LAMA1: variants seen among roughly 807,000 people sequenced by gnomAD.
The protein encoded by LAMA1 is laminin subunit alpha-1.
In LAMA1, 219 loss-of-function variants were observed where a neutral mutation model predicts 348.7. That is an observed-to-expected ratio of 0.63 (90% CI 0.56 to 0.70). LAMA1 has a LOEUF of 0.70. Ranked by LOEUF, LAMA1 falls within the 30% of genes least tolerant of loss-of-function variation. The pLI, the probability that LAMA1 is intolerant of heterozygous loss-of-function variation, is 0.00. For missense variants in LAMA1, 3,744 were observed against 3,888.0 expected, an observed-to-expected ratio of 0.96 and a Z score of 0.99; for synonymous variants, 1,487 against 1,491.0, an observed-to-expected ratio of 1.00 and a Z score of 0.06.
At chr18:7,079,846 T>C (rs1293542917) in intron 3 of LAMA1, 129 bp downstream of exon 3, 2 of 738,954 alleles carry the variant, frequency 2.7e-6, no homozygotes, top group East Asian at 5.4e-5. Flanking sequence ...CCACTTGCCT[T>C]CACCTGGTGG....
At chr18:7,002,698 G>C (rs756110681) in intron 29 of LAMA1, among the ~76,000 whole-genome samples, 4 of 152,028 alleles carry the variant, frequency 2.6e-5, no homozygotes, top group Non-Finnish European at 4.4e-5. Context: ...AAAATATTTA[G>C]TGCCCCAAAA....
At chr18:6,981,549 C>T (rs622150) in intron 41 of LAMA1, among the ~76,000 whole-genome samples, 3,641 of 152,272 alleles carry the variant, frequency 0.024, 133 homozygotes, top group African/African-American at 0.083. Context: ...TTTTAATTGC[C>T]AGCAAGCTCC....
Position 7,013,886 on chromosome 18 carries a change from A to G in LAMA1, c.3292T>C (p.Ser1098Pro), listed in dbSNP as rs2057872884. ...TGCTCCAGGTTGCAGGCGTCCCCCG[A>G]CGTCCCCCTCAGGTCACAGTCACAG... ...VPCDCDLRGTSGDACNLEQGL... is the reference protein window; with the variant it reads ...VPCDCDLRGTPGDACNLEQGL... Residue 1098 changes from serine (S) to proline (P), a missense_variant, in exon 23 of 63, where the codon TCG becomes CCG. By Grantham distance (74) the Ser-to-Pro change is moderately conservative. Transcript: ENST00000389658. The G allele has an allele frequency of 1.2e-6, 2 of 1,613,040 alleles. No individual in the cohort carries two copies. The highest frequency in any genetic ancestry group is 1.3e-5 in the African/African-American group (1 of 75,000).
chr18:7,081,510 A>G (rs2058193327), intron 1 of LAMA1, among the ~76,000 whole-genome samples: 1 of 152,176 alleles, frequency 6.6e-6, no homozygotes. Context: ...TTTTCAAGTC[A>G]TTATTGATCT....
rs115759032 is a variant in LAMA1, at chr18:6,983,101, G to T, written c.5794C>A (p.Leu1932Met). Residue 1932 changes from leucine (L) to methionine (M), a missense_variant and splice_region_variant, in exon 40 of 63, where the codon CTG becomes ATG. Physicochemically the swap from Leu to Met is conservative, Grantham distance 15. Transcript: ENST00000389658. The part of the protein sequence containing the change: ...DAHRTVTETS[L>M]LSESLVSNGK... ...AAAGAAGCCACGTCGTTTCCTACCAGGCTCGTCTCAGTCACAGTCCTGTGA... is the reference window on the plus strand; with the variant it reads ...AAAGAAGCCACGTCGTTTCCTACCATGCTCGTCTCAGTCACAGTCCTGTGA... 2.5e-6 allele frequency: 4 copies of T among 1,614,108 alleles called. No homozygotes were observed. The highest frequency in any genetic ancestry group is 1.6e-4 in the Middle Eastern group (1 of 6,062).
chr18:7,102,301 G>A (rs1030112186), intron 1 of LAMA1, among the ~76,000 whole-genome samples: 3 of 152,086 alleles, frequency 2.0e-5, no homozygotes, highest in Non-Finnish European at 4.4e-5. Flanking sequence ...CATAAATTCT[G>A]TATGCCTTTG....
chr18:7,050,292 TG>T (rs1162426404), intron 4 of LAMA1, among the ~76,000 whole-genome samples: 1 of 152,228 alleles, frequency 6.6e-6, no homozygotes, highest in Non-Finnish European at 1.5e-5. Context: ...CTGGGCATGT[TG>T]GGCACTAAGC....
Position 6,971,903 on chromosome 18 carries a change from A to G in LAMA1, c.6853T>C (p.Trp2285Arg), listed in dbSNP as rs1308404908. Residue 2285 changes from tryptophan to arginine, a missense_variant, in exon 48 of 63, where the codon TGG (tryptophan) becomes CGG (arginine). Trp to Arg is a moderately radical substitution (Grantham distance 101). This residue lies in a region of LAMA1 where 1,983 missense variants were observed against 1,934.3 expected (regional missense o/e 1.03). Coordinates refer to ENST00000389658, the MANE Select transcript of LAMA1 (RefSeq NM_005559.4). The part of the protein sequence containing the change: ...AFLNGKSIGL[W>R]NYIEREGKCR... The stretch of plus-strand genomic sequence containing the variant: ...TTGCCTTCCCTTTCAATATAGTTCC[A>G]TAGGCCTATGGATTTTCCATTCAGG... 3 of 1,614,152 alleles carry G rather than the reference A, an allele frequency of 1.9e-6. No individual in the cohort carries two copies. The highest frequency in any genetic ancestry group is 1.7e-6 in the Non-Finnish European group (2 of 1,180,024).
rs376840370 is a variant in LAMA1, at chr18:7,023,471, G to A, written c.2490-96C>T. The A allele has an allele frequency of 2.2e-5, 22 of 985,842 alleles. 1 individual carries two copies. Among genetic ancestry groups the A allele is most frequent in the African/African-American group, 1.1e-4 (7 of 62,286 alleles). The allele number at this position is 985,842 out of a possible 1,614,324, so 61.1% of individuals were successfully genotyped here. A position where few individuals can be genotyped will look rare whatever the true frequency, so the allele number is the denominator to read the frequency against. On this transcript the variant is annotated intron_variant, in intron 18 of 62. Transcript: ENST00000389658. ...TCCCTGAATGGCTAATAAATCAGAC[G>A]GACTCTGTTCCCTGAGATTTACTGT...
chr18:7,105,425 T>C (rs2058307924), intron 1 of LAMA1, among the ~76,000 whole-genome samples: 1 of 150,494 alleles, frequency 6.6e-6, no homozygotes, highest in Non-Finnish European at 1.5e-5. Flanking sequence ...GGCGACAGAG[T>C]GAGACTTCAT....
chr18:7,022,980 T>C (rs750228142), intron 19 of LAMA1, among the ~76,000 whole-genome samples, 184 bp downstream of exon 19: 3 of 152,130 alleles, frequency 2.0e-5, no homozygotes, highest in African/African-American at 7.2e-5. Flanking sequence ...AAGCTCAGGA[T>C]AGGGTAGCTA....
intron 1 of LAMA1, among the ~76,000 whole-genome samples, chr18:7,105,388 G>T (rs536782887): frequency 2.4e-4 from 36 of 152,126 alleles, no homozygotes; most frequent in African/African-American, 8.0e-4. Context: ...GCAGTGAGCT[G>T]AGATCGCACC....
chr18:6,976,804 C>T (rs1027239487), intron 44 of LAMA1, among the ~76,000 whole-genome samples: 1 of 151,812 alleles, frequency 6.6e-6, no homozygotes, highest in African/African-American at 2.4e-5. Context: ...GAGACAGGAT[C>T]TTATTATGTT....
chr18:6,961,832 C>G, intron 52 of LAMA1, 73 bp from the exon 53 acceptor site: 1 of 1,573,020 alleles, frequency 6.4e-7, no homozygotes, highest in South Asian at 1.1e-5. Flanking sequence ...GAGGACACTG[C>G]TGATTTCCCC....
chr18:7,022,732 G>A (rs922094309), intron 19 of LAMA1, among the ~76,000 whole-genome samples: 22 of 152,236 alleles, frequency 1.4e-4, no homozygotes, highest in African/African-American at 4.6e-4. Flanking sequence ...TGCACCACAC[G>A]GTGCTTTACG....
At position 7,025,981 on chromosome 18, in the gene LAMA1, G is replaced by C; in HGVS notation, c.2400C>G (p.Asn800Lys). ...PCACPLTIASNNFSPTCHLND... is the reference protein window; with the variant it reads ...PCACPLTIASKNFSPTCHLND... ...CGCTGATGAGGTCCGAGGCTTACTT[G>C]TTGGAGGCTATGGTGAGAGGGCAGG... The change falls in exon 17 of 63, where the codon AAC becomes AAG. Residue 800 changes from asparagine (N) to lysine (K), a missense_variant and splice_region_variant. Asn to Lys is a moderately conservative substitution (Grantham distance 94, BLOSUM62 0). Transcript: ENST00000389658. 6.2e-7 allele frequency: 1 copy of C among 1,607,398 alleles called. No individual in the cohort carries two copies.
chr18:7,064,596 G>C (rs565063898), intron 3 of LAMA1, among the ~76,000 whole-genome samples: 55 of 152,216 alleles, frequency 3.6e-4, no homozygotes, highest in Non-Finnish European at 6.0e-4. Flanking sequence ...CTTTCTCCTT[G>C]GTGGCATTTC....
chr18:7,067,958 A>G (rs2058130102), intron 3 of LAMA1, among the ~76,000 whole-genome samples: 1 of 151,506 alleles, frequency 6.6e-6, no homozygotes, highest in African/African-American at 2.4e-5. Context: ...GGTTCAAGCG[A>G]TTCTCCTGGC....
intron 1 of LAMA1, among the ~76,000 whole-genome samples, chr18:7,095,665 G>A (rs2058258090): frequency 6.6e-6 from 1 of 152,260 alleles, no homozygotes; most frequent in African/African-American, 2.4e-5. Flanking sequence ...CTCAGGGACT[G>A]CAATTCCCAC....
Sources: allele counts gnomAD v4.1 joint callset (sites outside exome capture counted in the v4.1 genomes callset), GRCh38; gene constraint gnomAD v4.1.1; regional missense constraint gnomAD v4.1.1; transcripts MANE v1.5; gene names NCBI Gene and HGNC (gene_info 2026-07-23, HGNC 2026-07-21).